HAT1: variants seen among roughly 807,000 people sequenced by gnomAD.
HAT1 encodes histone acetyltransferase 1, also known as histone acetyltransferase type B catalytic subunit.
Under a neutral mutation model 56.6 loss-of-function variants are expected in HAT1, and 20 were observed. That is an observed-to-expected ratio of 0.35 (90% confidence interval 0.25 to 0.51). The LOEUF is 0.51. Ranked by LOEUF, HAT1 falls within the 20% of genes least tolerant of loss-of-function variation. The pLI is 0.95. For synonymous variants in HAT1, 146 were observed against 165.5 expected (o/e 0.88, Z 0.91); for missense variants, 408 against 504.3 (o/e 0.81, Z 1.83).
At chr2:171,974,535 T>G (rs1687913794) in intron 8 of HAT1, among the ~76,000 whole-genome samples, 1 of 152,228 alleles carries the variant, frequency 6.6e-6, no homozygotes, top group African/African-American at 2.4e-5. Flanking sequence ...CATTTTTACC[T>G]CTTCCTTTGC....
At position 171,983,603 on chromosome 2, in the gene HAT1, A is replaced by G; in HGVS notation, c.*251A>G. 3.4e-6 allele frequency: 1 copy of G among 292,238 alleles called. No individual in the cohort carries two copies. 18.1% of individuals were successfully genotyped at this position (292,238 alleles called of 1,614,324 possible). On this transcript the variant is annotated 3_prime_UTR_variant, in exon 11 of 11. Coordinates refer to ENST00000264108, the MANE Select transcript of HAT1 (RefSeq NM_003642.4). ...GCAATTGCTTCCCTTCTTAAACAGTATAATAAATGCTTAGTTGTGATATGT... is the reference window on the plus strand; with the variant it reads ...GCAATTGCTTCCCTTCTTAAACAGTGTAATAAATGCTTAGTTGTGATATGT...
chr2:171,938,056 C>G (rs913447742), intron 2 of HAT1, among the ~76,000 whole-genome samples: 1 of 143,484 alleles, frequency 7.0e-6, no homozygotes, highest in African/African-American at 2.5e-5. Flanking sequence ...CTCTCTCTCT[C>G]TCTCTCTCTC....
intron 8 of HAT1, among the ~76,000 whole-genome samples, chr2:171,968,638 A>G (rs577117747): frequency 3.3e-5 from 5 of 152,318 alleles, no homozygotes; most frequent in African/African-American, 1.2e-4. Flanking sequence ...TGAATTTGAC[A>G]ACTGGGTATT....
intron 3 of HAT1, among the ~76,000 whole-genome samples, chr2:171,947,835 T>C (rs71415269): frequency 6.6e-6 from 1 of 152,108 alleles, no homozygotes; most frequent in Non-Finnish European, 1.5e-5. Flanking sequence ...GCCGAGATCA[T>C]GCCACTGCAC....
At chr2:171,977,557 ATTTT>A (rs1172067451) in intron 9 of HAT1, among the ~76,000 whole-genome samples, 82 of 16,228 alleles carry the variant, frequency 5.1e-3, no homozygotes, top group African/African-American at 8.8e-3. Flanking sequence ...ATATATATAT[ATTTT>A]TTTTTTTTTT....
intron 3 of HAT1, among the ~76,000 whole-genome samples, chr2:171,951,432 T>A (rs527915692): frequency 1.1e-4 from 17 of 152,142 alleles, no homozygotes; most frequent in East Asian, 3.9e-4. Flanking sequence ...TTCTTTTTAA[T>A]TTTTTGAGAC....
chr2:171,978,413 G>A (rs190105971), intron 9 of HAT1, among the ~76,000 whole-genome samples: 74 of 152,242 alleles, frequency 4.9e-4, no homozygotes, highest in African/African-American at 1.7e-3. Flanking sequence ...CACTGTATAT[G>A]CTTTCCTCAG....
At chr2:171,974,623 G>C (rs1687915293) in intron 8 of HAT1, among the ~76,000 whole-genome samples, 1 of 152,302 alleles carries the variant, frequency 6.6e-6, no homozygotes, top group Admixed American at 6.5e-5. Flanking sequence ...TGGCAATGGT[G>C]AAAGCAGACA....
Position 171,926,301 on chromosome 2 carries a change from T to A in HAT1, c.112+660T>A, listed in dbSNP as rs534244972. On this transcript the variant is annotated intron_variant, in intron 2 of 10. Coordinates refer to ENST00000264108, the MANE Select transcript of HAT1 (RefSeq NM_003642.4). ...AAGCCTGGCTAATTTTTATAAAAAA[T>A]TTTTTTTTTGAGACGGAGTTTCACT... Among the ~76,000 whole-genome samples, 203 of 150,616 alleles carry A rather than the reference T, an allele frequency of 1.3e-3. 2 individuals carry two copies. The highest frequency in any genetic ancestry group is 3.8e-3 in the South Asian group (18 of 4,772).
At chr2:171,925,123 A>G (rs1053500761) in intron 1 of HAT1, among the ~76,000 whole-genome samples, 23 of 131,466 alleles carry the variant, frequency 1.7e-4, no homozygotes, top group African/African-American at 6.8e-4. Flanking sequence ...CCCAGGCTAG[A>G]GGGCAGTGGC....
Position 171,965,324 on chromosome 2 carries a change from C to G in HAT1, c.310-14C>G. 1 of 1,506,656 alleles carries G rather than the reference C, an allele frequency of 6.6e-7. No homozygotes were observed. The highest frequency in any genetic ancestry group is 1.2e-5 in the South Asian group (1 of 85,062). The allele number at this position is 1,506,656 out of a possible 1,614,324, so 93.3% of individuals were successfully genotyped here. A position where few individuals can be genotyped will look rare whatever the true frequency, so the allele number is the denominator to read the frequency against. ...CGAATTTGTTATTAATTTTTTATAT[C>G]CTTTATTCTTTAGGCAGATGATGTT... On this transcript the variant is annotated splice_polypyrimidine_tract_variant and intron_variant, in intron 4 of 10. Transcript: ENST00000264108.
chr2:171,973,748 G>C (rs528668464), intron 8 of HAT1, among the ~76,000 whole-genome samples: 1 of 152,310 alleles, frequency 6.6e-6, no homozygotes, highest in South Asian at 2.1e-4. Context: ...AGGTAGAACA[G>C]TTTCATCTGG....
At chr2:171,935,536 A>AT (rs1221551055) in intron 2 of HAT1, among the ~76,000 whole-genome samples, 2 of 138,766 alleles carry the variant, frequency 1.4e-5, no homozygotes, top group South Asian at 2.3e-4. Flanking sequence ...AAAAAAAAAA[A>AT]AAGACAAAAT....
At chr2:171,957,930 A>G (rs1687485771) in intron 4 of HAT1, among the ~76,000 whole-genome samples, 1 of 152,200 alleles carries the variant, frequency 6.6e-6, no homozygotes, top group African/African-American at 2.4e-5. Flanking sequence ...ATATTACTTC[A>G]TACTGTATGT....
intron 2 of HAT1, among the ~76,000 whole-genome samples, chr2:171,943,387 G>A (rs1368910953): frequency 8.5e-6 from 1 of 117,492 alleles, no homozygotes; most frequent in Non-Finnish European, 1.6e-5. Context: ...CTCCAGCCTG[G>A]GCGACAGAGA....
chr2:171,952,973 A>C lies in HAT1; in HGVS notation c.281A>C (p.Lys94Thr). 6.3e-7 allele frequency: 1 copy of C among 1,592,058 alleles called. No individual in the cohort carries two copies. Among genetic ancestry groups the C allele is most frequent in the Non-Finnish European group, 8.6e-7 (1 of 1,161,306 alleles). The change falls in exon 4 of 11, where the codon AAA (lysine) becomes ACA (threonine). Residue 94 changes from lysine to threonine, a missense_variant. Coordinates refer to ENST00000264108, the MANE Select transcript of HAT1 (RefSeq NM_003642.4). ...STMFRVEYAS[K>T]VDENFDCVEA... ...ATGTTCCGTGTTGAATATGCATCTAAAGTTGATGAGAACTTTGACTGTGTA... is the reference window on the plus strand; with the variant it reads ...ATGTTCCGTGTTGAATATGCATCTACAGTTGATGAGAACTTTGACTGTGTA...
At chr2:171,967,045 C>T (rs974683729) in intron 8 of HAT1, 96 bp downstream of exon 8, 14 of 633,130 alleles carry the variant, frequency 2.2e-5, no homozygotes, top group Non-Finnish European at 3.7e-5. Context: ...TTTTAAACAG[C>T]AACATTTTCC....
intron 3 of HAT1, among the ~76,000 whole-genome samples, chr2:171,950,299 G>A (rs1687273347): frequency 1.3e-5 from 2 of 151,432 alleles, no homozygotes; most frequent in Admixed American, 6.6e-5. Context: ...TCAGCCTCCC[G>A]AGTAGCTGGG....
At chr2:171,963,619 T>C (rs1279910793) in intron 4 of HAT1, among the ~76,000 whole-genome samples, 1 of 152,232 alleles carries the variant, frequency 6.6e-6, no homozygotes, top group Non-Finnish European at 1.5e-5. Context: ...AAAGTAGTTT[T>C]TCTTGGCTTT....
Sources: gnomAD v4.1 joint callset for allele counts (sites outside exome capture counted in the v4.1 genomes callset) on GRCh38, gnomAD v4.1.1 for gene constraint, MANE v1.5 for transcripts, NCBI Gene and HGNC (gene_info 2026-07-23, HGNC 2026-07-21) for gene names.